Variants in PTPRO observed in about 807,000 individuals in gnomAD.
PTPRO encodes the protein protein tyrosine phosphatase receptor type O, also known as receptor-type tyrosine-protein phosphatase O.
In PTPRO, 62 loss-of-function variants were observed where a neutral mutation model predicts 145.2. That is an observed-to-expected ratio of 0.43 (90% CI 0.35 to 0.53). The LOEUF (loss-of-function observed/expected upper bound fraction) is 0.53, where lower values mean the gene tolerates loss of function less well. PTPRO is among the 20% of genes least tolerant of loss of function. The pLI is 0.01. For missense variants in PTPRO, 1,345 were observed against 1,482.7 expected (o/e 0.91, Z 1.53); for synonymous variants, 565 against 514.7 (o/e 1.10, Z -1.32).
chr12:15,428,464 T>A (rs962917696), intron 1 of PTPRO, among the ~76,000 whole-genome samples: 12 of 152,118 alleles, frequency 7.9e-5, no homozygotes, highest in Non-Finnish European at 1.5e-4. Flanking sequence ...TATAGAGCTT[T>A]ACTGTGACAT....
At chr12:15,494,007 T>C (rs528901199) in intron 2 of PTPRO, among the ~76,000 whole-genome samples, 60 of 152,266 alleles carry the variant, frequency 3.9e-4, no homozygotes, top group African/African-American at 1.4e-3. Context: ...AGCTGCAGGA[T>C]AGTTATGATA....
At chr12:15,354,268 T>A (rs1186769609) in intron 1 of PTPRO, among the ~76,000 whole-genome samples, 1 of 152,228 alleles carries the variant, frequency 6.6e-6, no homozygotes. Context: ...ATTGTCCCCA[T>A]AAACTTTTTA....
At chr12:15,398,026 G>C (rs1281649808) in intron 1 of PTPRO, among the ~76,000 whole-genome samples, 1 of 152,170 alleles carries the variant, frequency 6.6e-6, no homozygotes, top group Non-Finnish European at 1.5e-5. Context: ...CCCCAAAACA[G>C]GGGCATGAGG....
chr12:15,410,382 T>C (rs1344973277), intron 1 of PTPRO: 1 of 152,196 alleles, frequency 6.6e-6, no homozygotes, highest in Non-Finnish European at 1.5e-5. Context: ...TTCAATCCAT[T>C]GAGGGCTCGA....
chr12:15,544,643 A>G lies in PTPRO; in HGVS notation c.2165-1926A>G, dbSNP rs541481880. On this transcript the variant is annotated intron_variant, in intron 12 of 26. Transcript: ENST00000281171. ...ATTCTGTAGTGTGCATTTTTAAAAAAGAAAAGCCTAGGCTCAGCCTAACTA... is the reference window on the plus strand; with the variant it reads ...ATTCTGTAGTGTGCATTTTTAAAAAGGAAAAGCCTAGGCTCAGCCTAACTA... 5.6e-4 allele frequency among the ~76,000 whole-genome samples: 85 copies of G among 152,324 alleles called. 1 individual carries two copies. The highest frequency in any genetic ancestry group is 2.0e-3 in the African/African-American group (82 of 41,570).
chr12:15,549,145 G>C lies in PTPRO; in HGVS notation c.2356G>C (p.Ala786Pro). ...CGTGACCATCTCCAGCCTTCTTCCT[G>C]CCACTGCCTACAATTGTAGTGTCAC... is the stretch of plus-strand genomic sequence containing the variant. ...HVVTISSLLP[A>P]TAYNCSVTSF... The change falls in exon 14 of 27, where the codon GCC (alanine) becomes CCC (proline). Residue 786 changes from alanine (A) to proline (P), a missense_variant. Physicochemically the swap from Ala to Pro is conservative, Grantham distance 27. Around this residue, in one of 3 missense-constraint regions of PTPRO, gnomAD observed 1,130 missense variants for 1,214.7 expected, o/e 0.93. Transcript: ENST00000281171. The C allele has an allele frequency of 1.9e-6, 3 of 1,612,672 alleles. No individual in the cohort carries two copies. Among genetic ancestry groups the C allele is most frequent in the Non-Finnish European group, 2.5e-6 (3 of 1,179,652 alleles).
chr12:15,486,547 T>C (rs139943954), intron 2 of PTPRO, among the ~76,000 whole-genome samples: 1 of 152,224 alleles, frequency 6.6e-6, no homozygotes, highest in East Asian at 1.9e-4. Context: ...AAAAAGAGAA[T>C]GTTAACCTTA....
At chr12:15,502,597 T>G (rs1038593672) in intron 5 of PTPRO, among the ~76,000 whole-genome samples, 1 of 152,170 alleles carries the variant, frequency 6.6e-6, no homozygotes, top group Non-Finnish European at 1.5e-5. Flanking sequence ...GAGAAGCTGA[T>G]AGTAAAATGG....
At chr12:15,588,998 T>C (rs1389781712) in intron 24 of PTPRO, among the ~76,000 whole-genome samples, 1 of 152,150 alleles carries the variant, frequency 6.6e-6, no homozygotes, top group Non-Finnish European at 1.5e-5. Context: ...GTGGAAAATA[T>C]TGTCAGGAGC....
At chr12:15,546,021 A>G (rs1943280021) in intron 12 of PTPRO, among the ~76,000 whole-genome samples, 1 of 152,122 alleles carries the variant, frequency 6.6e-6, no homozygotes, top group South Asian at 2.1e-4. Context: ...GCCTCAAAAA[A>G]AAAAAAAAAT....
chr12:15,475,608 G>GT (rs1211384391), intron 1 of PTPRO, among the ~76,000 whole-genome samples: 1 of 151,844 alleles, frequency 6.6e-6, no homozygotes, highest in Non-Finnish European at 1.5e-5. Flanking sequence ...TATAAAAAAT[G>GT]TATCATGAAA....
intron 1 of PTPRO, among the ~76,000 whole-genome samples, chr12:15,413,759 G>C (rs1223380292): frequency 6.6e-6 from 1 of 152,108 alleles, no homozygotes; most frequent in East Asian, 1.9e-4. Context: ...AGGTTGCAGC[G>C]AGCCAAGATC....
intron 1 of PTPRO, among the ~76,000 whole-genome samples, chr12:15,436,151 C>T (rs551495897): frequency 8.5e-5 from 13 of 152,248 alleles, no homozygotes; most frequent in Admixed American, 1.3e-4. Flanking sequence ...ATTTATAGCA[C>T]TACATGCCCA....
rs183336580 is a variant in PTPRO, at chr12:15,470,163, C to A, written c.76-13811C>A. On this transcript the variant is annotated intron_variant, in intron 1 of 26. Coordinates refer to ENST00000281171, the MANE Select transcript of PTPRO (RefSeq NM_030667.3). ...AGTTTGTGCTGAGGGAATTTGCCAC[C>A]AATTAAGTACAGATATGAAAGGTAG... Among the ~76,000 whole-genome samples, 4 of 152,184 alleles carry A rather than the reference C, an allele frequency of 2.6e-5. No individual in the cohort carries two copies. The East Asian group carries it at 7.7e-4, about 29-fold the overall frequency.
intron 3 of PTPRO, 70 bp downstream of exon 3, chr12:15,497,473 T>A (rs1942131192): frequency 4.1e-6 from 6 of 1,470,556 alleles, no homozygotes; most frequent in Non-Finnish European, 5.7e-6. Context: ...CAAATGATGT[T>A]CTCTCTTACT....
intron 1 of PTPRO, among the ~76,000 whole-genome samples, chr12:15,402,160 C>A (rs1939512432): frequency 6.6e-6 from 1 of 152,118 alleles, no homozygotes; most frequent in African/African-American, 2.4e-5. Flanking sequence ...GAGGCTGAGG[C>A]AGGCGGATCA....
At chr12:15,371,915 T>G (rs1273264304) in intron 1 of PTPRO, among the ~76,000 whole-genome samples, 1 of 152,152 alleles carries the variant, frequency 6.6e-6, no homozygotes, top group Admixed American at 6.6e-5. Flanking sequence ...CACTTCACCT[T>G]CTGCTGTGAT....
At chr12:15,440,367 T>C (rs1940729183) in intron 1 of PTPRO, 1 of 380,964 alleles carries the variant, frequency 2.6e-6, no homozygotes, top group Non-Finnish European at 4.8e-6. Context: ...AGAGTCTCCA[T>C]GCAGAGGACT....
chr12:15,526,342 A>C, intron 12 of PTPRO, 80 bp downstream of exon 12: 1 of 1,567,630 alleles, frequency 6.4e-7, no homozygotes, highest in Non-Finnish European at 8.7e-7. Flanking sequence ...TCCTCAATTC[A>C]ATGAAATAAT....
Sources: gnomAD v4.1 joint callset for allele counts (sites outside exome capture counted in the v4.1 genomes callset) on GRCh38, gnomAD v4.1.1 for gene constraint, gnomAD v4.1.1 regional missense constraint, MANE v1.5 for transcripts, NCBI Gene and HGNC (gene_info 2026-07-23, HGNC 2026-07-21) for gene names.